The following ACSL5 variants were observed in gnomAD, a reference collection of about 807,000 sequenced individuals.
ACSL5 encodes long-chain-fatty-acid--CoA ligase 5.
A neutral mutation model predicts 84.9 loss-of-function variants in ACSL5; 50 were observed. The ratio of observed to expected loss-of-function variants is 0.59; its 90% CI spans 0.47 to 0.75. The LOEUF is 0.75. ACSL5 is among the 30% of genes least tolerant of loss of function. The probability of loss-of-function intolerance (pLI) is 0.00; values close to 1 mark genes in which losing one functional copy is unlikely to be tolerated. For missense variants in ACSL5, 775 were observed against 830.4 expected (o/e 0.93, Z 0.82); for synonymous variants, 280 against 300.7 (o/e 0.93, Z 0.71).
chr10:112,411,629 C>CACAT, intron 10 of ACSL5, 100 bp downstream of exon 10: 2 of 531,430 alleles, frequency 3.8e-6, no homozygotes, highest in Non-Finnish European at 6.1e-6. Context: ...CACACACATA[C>CACAT]ACACACACAC....
At chr10:112,420,236 TATCACAGG>T (rs1220895849) in intron 14 of ACSL5, among the ~76,000 whole-genome samples, 8 of 152,220 alleles carry the variant, frequency 5.3e-5, no homozygotes, top group African/African-American at 1.9e-4. Flanking sequence ...CAACTCTGCC[TATCACAGG>T]CCACACCCCC....
At chr10:112,393,172 A>C (rs1463657185) in intron 1 of ACSL5, among the ~76,000 whole-genome samples, 1 of 152,116 alleles carries the variant, frequency 6.6e-6, no homozygotes. Context: ...AATTCCAAAA[A>C]TCCCAACTCT....
chr10:112,419,102 CTGTGTG>C (rs57261585), intron 14 of ACSL5, among the ~76,000 whole-genome samples: 55 of 146,506 alleles, frequency 3.8e-4, no homozygotes, highest in East Asian at 7.8e-4. Flanking sequence ...CACAATGTAT[CTGTGTG>C]TGTGTGTGTG....
At chr10:112,378,548 A>C (rs1477680562) in intron 1 of ACSL5, among the ~76,000 whole-genome samples, 4 of 151,994 alleles carry the variant, frequency 2.6e-5, no homozygotes, top group African/African-American at 9.7e-5. Flanking sequence ...CACCTGGCCT[A>C]TAGGATTTGC....
intron 5 of ACSL5, among the ~76,000 whole-genome samples, chr10:112,406,959 C>G (rs1330903338): frequency 6.6e-6 from 1 of 152,184 alleles, no homozygotes; most frequent in African/African-American, 2.4e-5. Context: ...ATTGGACTTA[C>G]AGTTCCACAT....
intron 20 of ACSL5, 38 bp from the exon 21 acceptor site, chr10:112,427,180 C>G (rs768028822): frequency 6.3e-7 from 1 of 1,580,868 alleles, no homozygotes; most frequent in South Asian, 1.2e-5. Flanking sequence ...AAGTCCAAAT[C>G]ACTAATGAGC....
chr10:112,413,654 G>A (rs1844240279), intron 12 of ACSL5, among the ~76,000 whole-genome samples: 1 of 152,168 alleles, frequency 6.6e-6, no homozygotes, highest in African/African-American at 2.4e-5. Flanking sequence ...GAACCCGGGA[G>A]GCGGAGGTTG....
Position 112,417,905 on chromosome 10 carries a change from A to G in ACSL5, c.1278A>G (p.Ser426=), listed in dbSNP as rs752872348. 3 of 1,613,422 alleles carry G rather than the reference A, an allele frequency of 1.9e-6. No homozygotes were observed. Among genetic ancestry groups the G allele is most frequent in the Middle Eastern group, 1.6e-4 (1 of 6,084 alleles). The change falls in exon 14 of 21, where the codon TCA becomes TCG. Residue 426 remains serine, a synonymous_variant. Transcript: ENST00000354655. Reference sequence around the variant, plus strand: ...CTGGAGCTGCCCCCATGTCCACTTCAGTCATGACATTCTTCCGGGCAGCAA... The same window carrying G: ...CTGGAGCTGCCCCCATGTCCACTTCGGTCATGACATTCTTCCGGGCAGCAA... ...IVTGAAPMST[S]VMTFFRAAMG...
chr10:112,406,076 C>G (rs1252846526), intron 5 of ACSL5: 1 of 152,006 alleles, frequency 6.6e-6, no homozygotes, highest in Non-Finnish European at 1.5e-5. Context: ...AAAAAAAAAT[C>G]CACAAGCAGA....
chr10:112,420,671 T>G (rs1404479349), intron 14 of ACSL5, among the ~76,000 whole-genome samples: 2 of 152,212 alleles, frequency 1.3e-5, no homozygotes, highest in African/African-American at 4.8e-5. Context: ...AGTGAATAAC[T>G]TACATGTTCC....
chr10:112,419,598 C>T (rs2419630), intron 14 of ACSL5: 43,792 of 152,090 alleles, frequency 0.29, 7,745 homozygotes, highest in East Asian at 0.53. Context: ...CTTGGAACAT[C>T]ATGTTGGCAC....
rs146947127 is a variant in ACSL5 at position 112,376,438 on chromosome 10, C to T, written c.-30+2169C>T. 2.7e-3 allele frequency: 4,316 copies of T among 1,614,030 alleles called. 11 individuals are homozygous for T. The highest frequency in any genetic ancestry group is 3.3e-3 in the Non-Finnish European group (3,919 of 1,180,010). The stretch of plus-strand genomic sequence containing the variant: ...CACTAGAAGCACTGAGAGATGCGGC[C>T]CCCTCGCAGGGTAAGGGGACCATCG... On this transcript the variant is annotated intron_variant, in intron 1 of 20. Coordinates refer to ENST00000354655, the MANE Select transcript of ACSL5 (RefSeq NM_203379.2).
At chr10:112,422,212 A>G in intron 16 of ACSL5, 113 bp from the exon 17 acceptor site, 1 of 1,092,532 alleles carries the variant, frequency 9.2e-7, no homozygotes, top group Admixed American at 1.8e-5. Flanking sequence ...GGTGCTCTTC[A>G]CAGTGTAGTG....
chr10:112,387,605 C>T (rs1037538924), intron 1 of ACSL5, among the ~76,000 whole-genome samples: 2 of 152,132 alleles, frequency 1.3e-5, no homozygotes, highest in African/African-American at 2.4e-5. Flanking sequence ...TATACAGCCT[C>T]GTAAATAACA....
chr10:112,416,803 C>A, intron 12 of ACSL5, 85 bp from the exon 13 acceptor site: 1 of 1,474,504 alleles, frequency 6.8e-7, no homozygotes, highest in Non-Finnish European at 9.4e-7. Context: ...CCTTATAAAG[C>A]TAGAACACAC....
intron 1 of ACSL5, among the ~76,000 whole-genome samples, chr10:112,386,971 G>C (rs961317436): frequency 6.6e-6 from 1 of 151,936 alleles, no homozygotes; most frequent in African/African-American, 2.4e-5. Context: ...TTCCTTAGAG[G>C]GTTTTTAGAA....
chr10:112,404,491 T>C lies in ACSL5; in HGVS notation c.266-20T>C, dbSNP rs764659444. On this transcript the variant is annotated intron_variant, in intron 3 of 20. Transcript: ENST00000354655. ...GAATTTGCAACTGGAGTTGATTTTC[T>C]TTTAATATTATGTTTTTAGACAATG... 1 of 1,604,340 alleles carries C rather than the reference T, an allele frequency of 6.2e-7. No homozygotes were observed. The highest frequency in any genetic ancestry group is 8.5e-7 in the Non-Finnish European group (1 of 1,172,054).
At chr10:112,403,910 A>C (rs2133613461) in intron 3 of ACSL5, among the ~76,000 whole-genome samples, 1 of 152,320 alleles carries the variant, frequency 6.6e-6, no homozygotes, top group East Asian at 1.9e-4. Flanking sequence ...TGAAACCACT[A>C]CAGAGAAGAG....
chr10:112,424,122 A>G (rs1844581787), intron 17 of ACSL5, among the ~76,000 whole-genome samples: 1 of 152,256 alleles, frequency 6.6e-6, no homozygotes, highest in Non-Finnish European at 1.5e-5. Context: ...GTGTTTGCAG[A>G]GGCTAGTGTT....
Sources: allele counts gnomAD v4.1 joint callset (sites outside exome capture counted in the v4.1 genomes callset), GRCh38; gene constraint gnomAD v4.1.1; transcripts MANE v1.5; gene names NCBI Gene and HGNC (gene_info 2026-07-23, HGNC 2026-07-21).